TUBGCP2: variants seen among roughly 807,000 people sequenced by gnomAD.
TUBGCP2 encodes tubulin gamma complex component 2.
In TUBGCP2, 55 loss-of-function variants were observed where a neutral mutation model predicts 92.2. The observed-to-expected ratio is 0.60, with a 90% confidence interval of 0.48 to 0.75. TUBGCP2 has a LOEUF of 0.75. Ranked by LOEUF, TUBGCP2 falls within the 30% of genes least tolerant of loss-of-function variation. The pLI, the probability that TUBGCP2 is intolerant of heterozygous loss-of-function variation, is 0.00. For missense variants in TUBGCP2, 1,093 were observed against 1,188.9 expected (o/e 0.92, Z 1.19); for synonymous variants, 533 against 505.2 (o/e 1.06, Z -0.74).
intron 2 of TUBGCP2, chr10:133,301,662 C>T (rs1847657885): frequency 6.8e-6 from 1 of 147,386 alleles, no homozygotes; most frequent in African/African-American, 2.5e-5. Flanking sequence ...GAAATAATAC[C>T]TTAAAGGCAT....
chr10:133,288,541 G>A (rs185357128), intron 10 of TUBGCP2, among the ~76,000 whole-genome samples: 40 of 152,350 alleles, frequency 2.6e-4, no homozygotes, highest in Admixed American at 1.3e-4. Context: ...CAGGCTAAGC[G>A]CTTGGCTCTC....
chr10:133,285,429 G>A lies in TUBGCP2; in HGVS notation c.1895+27C>T. 6.2e-7 allele frequency: 1 copy of A among 1,613,096 alleles called. No individual in the cohort carries two copies. Among genetic ancestry groups the A allele is most frequent in the Non-Finnish European group, 8.5e-7 (1 of 1,179,858 alleles). ...TCTGCCAAACCTGAGTGAAGATCTG[G>A]CAGGTGCCCGAGCAGCCGACCCGCA... On this transcript the variant is annotated intron_variant, in intron 12 of 17. Transcript: ENST00000252936. This position sits in a 1 kb window ranked among gnomAD's most constrained non-coding sequence, Gnocchi z 6.8.
chr10:133,279,450 C>A lies in TUBGCP2; in HGVS notation c.*316G>T. 6.0e-6 allele frequency: 2 copies of A among 331,186 alleles called. No homozygotes were observed. The highest frequency in any genetic ancestry group is 1.1e-5 in the Non-Finnish European group (2 of 181,204). 20.5% of individuals were successfully genotyped at this position (331,186 alleles called of 1,614,324 possible). On this transcript the variant is annotated 3_prime_UTR_variant, in exon 18 of 18. Transcript: ENST00000252936. ...ATGTGGACACCAGGCCTGGATCTTA[C>A]CCCACATGCATCTTTGCTTGCTCCT...
intron 2 of TUBGCP2, 40 bp downstream of exon 2, chr10:133,302,752 T>G: frequency 6.2e-7 from 1 of 1,608,908 alleles, no homozygotes; most frequent in Non-Finnish European, 8.5e-7. Flanking sequence ...CCAGGAACAG[T>G]GCTCACCCTG....
At chr10:133,282,482 C>A in intron 15 of TUBGCP2, 140 bp from the exon 16 acceptor site, 1 of 1,220,508 alleles carries the variant, frequency 8.2e-7, no homozygotes, top group Non-Finnish European at 1.1e-6. Flanking sequence ...ATCTCTGAGG[C>A]TGCAGGGGAA....
rs529026678 is a variant in TUBGCP2, at chr10:133,285,490, T to C, written c.1861A>G (p.Ile621Val). The change falls in exon 12 of 18, where the codon ATC becomes GTC. Residue 621 changes from isoleucine to valine, a missense_variant. This residue lies in a region of TUBGCP2 where 598 missense variants were observed against 675.5 expected (regional missense o/e 0.89). Transcript: ENST00000252936. The surrounding 1 kb of genome is among the most constrained non-coding windows in gnomAD (Gnocchi z 6.8). ...ATGAGCGAAAGGGGCCACTTGACGA[T>C]GTAGTCGAAAGAGAAGGCCTCCAGG... ...SGLEAFSFDY[I>V]VKWPLSLIIN... 195 of 1,612,880 alleles carry C rather than the reference T, an allele frequency of 1.2e-4. No individual in the cohort carries two copies. In the South Asian group the frequency reaches 1.9e-3, roughly 16 times the overall value.
upstream of TUBGCP2, chr10:133,310,071 G>C: frequency 1.9e-6 from 3 of 1,609,640 alleles, no homozygotes; most frequent in South Asian, 1.1e-5. Context: ...GCAAGGCCGG[G>C]GACACCTTTC....
chr10:133,308,618 G>C (rs1847886937), intron 1 of TUBGCP2: 1 of 180,722 alleles, frequency 5.5e-6, no homozygotes, highest in Non-Finnish European at 1.1e-5. Flanking sequence ...CCCCGGCTGA[G>C]TGTCGGGCCG....
upstream of TUBGCP2, chr10:133,310,477 G>T: frequency 1.4e-6 from 1 of 726,306 alleles, no homozygotes. Flanking sequence ...CCCTGCCGAA[G>T]GGAGGCTGGA....
intron 6 of TUBGCP2, 52 bp downstream of exon 6, chr10:133,293,510 A>T: frequency 1.3e-6 from 2 of 1,533,474 alleles, no homozygotes; most frequent in Non-Finnish European, 1.8e-6. Flanking sequence ...GATGGGACCT[A>T]ACCCCTCCCC....
intron 3 of TUBGCP2, 62 bp from the exon 4 acceptor site, chr10:133,299,665 A>G: frequency 2.1e-6 from 3 of 1,431,424 alleles, no homozygotes; most frequent in Non-Finnish European, 2.9e-6. Context: ...ATAGGGGGAG[A>G]GTAGGGACGA....
chr10:133,309,552 C>A, upstream of TUBGCP2: 3 of 1,441,330 alleles, frequency 2.1e-6, no homozygotes, highest in Non-Finnish European at 2.9e-6. Context: ...TGCCGCTCTT[C>A]CATGTGCGGC....
intron 17 of TUBGCP2, 95 bp from the exon 18 acceptor site, chr10:133,279,996 C>T: frequency 2.6e-6 from 4 of 1,522,830 alleles, no homozygotes; most frequent in East Asian, 2.5e-5. Context: ...CTAGGGTGCA[C>T]ACCCCTTCTG....
Position 133,285,511 on chromosome 10 carries a change from C to G in TUBGCP2, c.1840G>C (p.Glu614Gln). 1 of 1,608,144 alleles carries G rather than the reference C, an allele frequency of 6.2e-7. No individual in the cohort carries two copies. The highest frequency in any genetic ancestry group is 8.5e-7 in the Non-Finnish European group (1 of 1,175,628). Reference sequence around the variant, plus strand: ...ACGATGTAGTCGAAAGAGAAGGCCTCCAGGCCGCTCAGCGCCAGCTCCGTG... The same window carrying G: ...ACGATGTAGTCGAAAGAGAAGGCCTGCAGGCCGCTCAGCGCCAGCTCCGTG... ...DPTELALSGLEAFSFDYIVKW... is the reference protein window; with the variant it reads ...DPTELALSGLQAFSFDYIVKW... The change falls in exon 12 of 18, where the codon GAG becomes CAG. Residue 614 changes from glutamate to glutamine, a missense_variant. Coordinates refer to ENST00000252936, the MANE Select transcript of TUBGCP2 (RefSeq NM_006659.4). The surrounding 1 kb of genome is among the most constrained non-coding windows in gnomAD (Gnocchi z 6.8).
chr10:133,301,735 C>CA (rs1202929545), intron 2 of TUBGCP2: 1 of 80,090 alleles, frequency 1.2e-5, no homozygotes, highest in Admixed American at 1.9e-4. Context: ...TTTTTTGAGA[C>CA]AGAGTCTCAC....
At chr10:133,308,885 A>T (rs1171789707), upstream of TUBGCP2, 1 of 1,198,312 alleles carries the variant, frequency 8.3e-7, no homozygotes, top group Non-Finnish European at 1.0e-6. Flanking sequence ...GCGTGACGTC[A>T]CGTCCGGCTC....
chr10:133,285,015 G>T lies in TUBGCP2; in HGVS notation c.2024+70C>A. On this transcript the variant is annotated intron_variant, in intron 13 of 17. Coordinates refer to ENST00000252936, the MANE Select transcript of TUBGCP2 (RefSeq NM_006659.4). This position sits in a 1 kb window ranked among gnomAD's most constrained non-coding sequence, Gnocchi z 6.8. ...TCTACCAGGAGGGCACAAGGGGGGC[G>T]CTGCACCACTGGGCAGAGTGCAGCG... 6.6e-7 allele frequency: 1 copy of T among 1,526,714 alleles called. No homozygotes were observed. The allele number at this position is 1,526,714 out of a possible 1,614,324, so 94.6% of individuals were successfully genotyped here. A position where few individuals can be genotyped will look rare whatever the true frequency, so the allele number is the denominator to read the frequency against.
At chr10:133,311,979 G>A (rs1848000588), upstream of TUBGCP2, 1 of 1,609,428 alleles carries the variant, frequency 6.2e-7, no homozygotes, top group Non-Finnish European at 8.5e-7. Flanking sequence ...GCTTCCGCCA[G>A]AGAAGAAAGT....
chr10:133,288,761 G>C, intron 10 of TUBGCP2, 79 bp downstream of exon 10: 4 of 1,441,850 alleles, frequency 2.8e-6, no homozygotes, highest in Non-Finnish European at 3.7e-6. Context: ...AAGAAACCCA[G>C]CGATCTCAGC....
Sources: allele counts gnomAD v4.1 joint callset (sites outside exome capture counted in the v4.1 genomes callset), GRCh38; gene constraint gnomAD v4.1.1; regional missense constraint gnomAD v4.1.1; non-coding constraint Gnocchi (gnomAD v3.1); transcripts MANE v1.5; gene names NCBI Gene and HGNC (gene_info 2026-07-23, HGNC 2026-07-21).